TRUB1: variants seen among roughly 807,000 people sequenced by gnomAD.
The protein encoded by TRUB1 is TruB pseudouridine synthase family member 1.
A neutral mutation model predicts 33.9 loss-of-function variants in TRUB1; 23 were observed. The observed-to-expected ratio is 0.68, with a 90% CI of 0.49 to 0.96. The LOEUF (loss-of-function observed/expected upper bound fraction) is 0.96. Ranked by LOEUF, TRUB1 falls within the 40% of genes least tolerant of loss-of-function variation. TRUB1 has a pLI of 0.00. For missense variants in TRUB1, 378 were observed against 422.2 expected (o/e 0.90, Z 0.92); for synonymous variants, 163 against 165.4 (o/e 0.99, Z 0.11).
chr10:114,970,577 T>G, intron 5 of TRUB1, 137 bp downstream of exon 5: 2 of 693,608 alleles, frequency 2.9e-6, no homozygotes, highest in Non-Finnish European at 5.0e-6. Flanking sequence ...AATGTTAAAG[T>G]GAAGGTGAGA....
At chr10:114,951,297 A>T in intron 3 of TRUB1, 148 bp downstream of exon 3, 1 of 529,816 alleles carries the variant, frequency 1.9e-6, no homozygotes. Context: ...CATATCTGAG[A>T]TTGAAAATAT....
chr10:114,962,578 A>G (rs1483833584), intron 4 of TRUB1, among the ~76,000 whole-genome samples: 9 of 152,232 alleles, frequency 5.9e-5, no homozygotes, highest in Admixed American at 5.9e-4. Flanking sequence ...TCAATTAAAA[A>G]CTGTGTTTCT....
At position 114,942,731 on chromosome 10, in the gene TRUB1, C is replaced by A. The variant is rs189510806; in HGVS notation, c.373C>A (p.Arg125=). ...GHGGTLDSAA[R]GVLVVGIGSG... ...TGGAGGGACTCTAGACAGCGCAGCC[C>A]GAGGAGTTCTGGGTAAGAGATATGA... is the stretch of plus-strand genomic sequence containing the variant. The change falls in exon 2 of 8, where the codon CGA becomes AGA. Residue 125 remains arginine, a synonymous_variant. Transcript: ENST00000298746. The A allele has an allele frequency of 6.2e-7, 1 of 1,612,488 alleles. No individual in the cohort carries two copies. Among genetic ancestry groups the A allele is most frequent in the Non-Finnish European group, 8.5e-7 (1 of 1,178,662 alleles).
chr10:114,938,719 T>C (rs1024596660), intron 1 of TRUB1, among the ~76,000 whole-genome samples, 180 bp downstream of exon 1: 1 of 152,166 alleles, frequency 6.6e-6, no homozygotes, highest in Admixed American at 6.5e-5. Context: ...TGGCACGAAC[T>C]CTTGTAGCCT....
intron 4 of TRUB1, among the ~76,000 whole-genome samples, chr10:114,963,435 G>C (rs1418328289): frequency 6.6e-5 from 10 of 152,166 alleles, no homozygotes; most frequent in Admixed American, 6.5e-4. Flanking sequence ...TTACAAAGCT[G>C]TTTGCATTTA....
intron 2 of TRUB1, among the ~76,000 whole-genome samples, chr10:114,947,942 G>A (rs2084218130): frequency 6.6e-6 from 1 of 152,172 alleles, no homozygotes. Context: ...TACAGGTCTT[G>A]TAAGATGATC....
intron 6 of TRUB1, among the ~76,000 whole-genome samples, chr10:114,973,400 G>T (rs1306620535): frequency 6.6e-6 from 1 of 152,110 alleles, no homozygotes; most frequent in Non-Finnish European, 1.5e-5. Flanking sequence ...CAAATATCAC[G>T]CAAGAGTGCT....
intron 2 of TRUB1, among the ~76,000 whole-genome samples, chr10:114,948,103 G>A (rs550853663): frequency 7.2e-5 from 11 of 152,202 alleles, no homozygotes; most frequent in African/African-American, 1.9e-4. Flanking sequence ...TTTTTTTAAC[G>A]GAAAAGACAT....
Position 114,976,950 on chromosome 10 carries a change from A to G in TRUB1, c.*1571A>G, listed in dbSNP as rs963416670. On this transcript the variant is annotated 3_prime_UTR_variant, in exon 8 of 8. Transcript: ENST00000298746. ...GTCAACCAAAGGTGGCAGTGGCTACATCTGCCTGTTGGACTGGTACAGGTT... is the reference window on the plus strand; with the variant it reads ...GTCAACCAAAGGTGGCAGTGGCTACGTCTGCCTGTTGGACTGGTACAGGTT... 1 of 152,188 alleles carries G rather than the reference A, an allele frequency of 6.6e-6. No individual in the cohort carries two copies. Among genetic ancestry groups the G allele is most frequent in the Non-Finnish European group, 1.5e-5 (1 of 68,008 alleles). The allele number at this position is 152,188 out of a possible 1,614,324, so 9.4% of individuals were successfully genotyped here. A position where few individuals can be genotyped will look rare whatever the true frequency, so the allele number is the denominator to read the frequency against.
chr10:114,950,481 A>G (rs896837368), intron 2 of TRUB1, among the ~76,000 whole-genome samples: 4 of 152,242 alleles, frequency 2.6e-5, no homozygotes, highest in Non-Finnish European at 5.9e-5. Context: ...ACCCTCACCA[A>G]GTGAAATGTG....
At chr10:114,974,271 A>G (rs2084350064) in intron 6 of TRUB1, 58 bp from the exon 7 acceptor site, 6 of 1,298,282 alleles carry the variant, frequency 4.6e-6, no homozygotes, top group South Asian at 1.2e-5. Context: ...CATCATTTCT[A>G]TGTAAAGTGG....
rs1377894052 is a variant in TRUB1, at chr10:114,943,051, TG to T, written c.385+309del. ...TTTAGAAAGGCTTGCTTGGACAGCT[TG>T]CCCTTGGTTGGTATCTGGGAACTTG... On this transcript the variant is annotated intron_variant, in intron 2 of 7. Coordinates refer to ENST00000298746, the MANE Select transcript of TRUB1 (RefSeq NM_139169.5). Among the ~76,000 whole-genome samples the T allele has an allele frequency of 8.5e-5, 13 of 152,214 alleles. 1 individual carries two copies. The highest frequency in any genetic ancestry group is 8.5e-4 in the Admixed American group (13 of 15,278).
chr10:114,938,554 G>C lies in TRUB1; in HGVS notation c.286+15G>C, dbSNP rs1196451180. 2.2e-5 allele frequency: 33 copies of C among 1,518,330 alleles called. No individual in the cohort carries two copies. Among genetic ancestry groups the C allele is most frequent in the Non-Finnish European group, 2.9e-5 (33 of 1,136,370 alleles). 94.1% of individuals were successfully genotyped at this position (1,518,330 alleles called of 1,614,324 possible). A position where few individuals can be genotyped will look rare whatever the true frequency, so the allele number is the denominator to read the frequency against. On this transcript the variant is annotated intron_variant, in intron 1 of 7. Transcript: ENST00000298746. ...GCTGCTGGCAGGTACTGCAGCCCGGGTGGGGACCAGGCTGAGGCGGTCGCT... is the reference window on the plus strand; with the variant it reads ...GCTGCTGGCAGGTACTGCAGCCCGGCTGGGGACCAGGCTGAGGCGGTCGCT...
At chr10:114,938,620 A>G in intron 1 of TRUB1, 81 bp downstream of exon 1, 8 of 1,393,302 alleles carry the variant, frequency 5.7e-6, no homozygotes, top group Non-Finnish European at 5.7e-6. Flanking sequence ...GACGCTCGTG[A>G]TTCAAGAGAC....
At chr10:114,943,633 G>A (rs1490673251) in intron 2 of TRUB1, among the ~76,000 whole-genome samples, 2 of 152,224 alleles carry the variant, frequency 1.3e-5, no homozygotes, top group Non-Finnish European at 2.9e-5. Context: ...TGTTGTTGGA[G>A]AAAGCAGCAC....
intron 2 of TRUB1, among the ~76,000 whole-genome samples, chr10:114,947,450 T>G (rs752371531): frequency 6.2e-4 from 95 of 152,218 alleles, no homozygotes; most frequent in African/African-American, 2.2e-3. Context: ...CAAAAAAATT[T>G]TTTTAACTTT....
At chr10:114,941,455 A>G (rs2084186396) in intron 1 of TRUB1, among the ~76,000 whole-genome samples, 1 of 151,890 alleles carries the variant, frequency 6.6e-6, no homozygotes, top group Non-Finnish European at 1.5e-5. Flanking sequence ...CTCTCACCTA[A>G]GCCTCCCCAG....
chr10:114,947,467 T>A (rs2084216261), intron 2 of TRUB1, among the ~76,000 whole-genome samples: 1 of 152,216 alleles, frequency 6.6e-6, no homozygotes. Flanking sequence ...CTTTAGAGGT[T>A]ATAGAAACAG....
rs751428681 is a variant in TRUB1, at chr10:114,972,183, G to A, written c.645G>A (p.Lys215=). Residue 215 remains lysine (K), a synonymous_variant, in exon 6 of 8, where the codon AAG becomes AAA. Transcript: ENST00000298746. ...KDGQRLSTLM[K]RGEVVEAKPA... Reference sequence around the variant, plus strand: ...GACAAAGACTTTCGACTTTGATGAAGAGAGGTGAAGTCGTAGAAGCAAAAC... The same window carrying A: ...GACAAAGACTTTCGACTTTGATGAAAAGAGGTGAAGTCGTAGAAGCAAAAC... 10 of 1,613,670 alleles carry A rather than the reference G, an allele frequency of 6.2e-6. No individual in the cohort carries two copies. The highest frequency in any genetic ancestry group is 1.1e-5 in the South Asian group (1 of 91,064).
Sources: gnomAD v4.1 joint callset for allele counts (sites outside exome capture counted in the v4.1 genomes callset) on GRCh38, gnomAD v4.1.1 for gene constraint, MANE v1.5 for transcripts, NCBI Gene and HGNC (gene_info 2026-07-23, HGNC 2026-07-21) for gene names.